FOXA3: variants seen among roughly 807,000 people sequenced by gnomAD.
FOXA3 encodes hepatocyte nuclear factor 3-gamma.
FOXA3 carries 11 observed loss-of-function variants against 16.9 expected under a neutral mutation model. That is an observed-to-expected ratio of 0.65 (90% CI 0.41 to 1.08). The LOEUF (loss-of-function observed/expected upper bound fraction) is 1.08, where lower values mean the gene tolerates loss of function less well. Ranked by LOEUF, FOXA3 falls within the 50% of genes least tolerant of loss-of-function variation. FOXA3 has a pLI of 0.00. For missense variants in FOXA3, 423 were observed against 470.1 expected (o/e 0.90, Z 0.93); for synonymous variants, 217 against 203.3 (o/e 1.07, Z -0.57).
Position 45,872,969 on chromosome 19 carries a change from G to A in FOXA3, c.964G>A (p.Val322Met), listed in dbSNP as rs1181124304. The A allele has an allele frequency of 3.1e-6, 5 of 1,614,142 alleles. No homozygotes were observed. Among genetic ancestry groups the A allele is most frequent in the Non-Finnish European group, 3.4e-6 (4 of 1,180,016 alleles). The stretch of plus-strand genomic sequence containing the variant: ...GACACCAGCACCTCCCAAACTGGAC[G>A]TGGGGTTTGGGGGCTACGGGGCTGA... ...EQTPAPPKLD[V>M]GFGGYGAEGG... Residue 322 changes from valine (V) to methionine (M), a missense_variant, in exon 2 of 2, where the codon GTG becomes ATG. Physicochemically the swap from Val to Met is conservative, Grantham distance 21. Around this residue, in one of 3 missense-constraint regions of FOXA3, gnomAD observed 168 missense variants for 179.3 expected, o/e 0.94. Coordinates refer to ENST00000302177, the MANE Select transcript of FOXA3 (RefSeq NM_004497.3). The surrounding 1 kb of genome is among the most constrained non-coding windows in gnomAD (Gnocchi z 4.5).
rs904387581 is a variant in FOXA3 at position 45,873,123 on chromosome 19, T to G, written c.*65T>G. 1.9e-6 allele frequency: 3 copies of G among 1,551,042 alleles called. No homozygotes were observed. The highest frequency in any genetic ancestry group is 2.6e-6 in the Non-Finnish European group (3 of 1,146,970). On this transcript the variant is annotated 3_prime_UTR_variant, in exon 2 of 2. Coordinates refer to ENST00000302177, the MANE Select transcript of FOXA3 (RefSeq NM_004497.3). ...ACACCACGAAGCTCTTGGGGCCTGA[T>G]CCTTCTGGTGACACTTCACTTGTCC...
Position 45,873,442 on chromosome 19 carries a change from G to A in FOXA3, c.*384G>A. 7.2e-6 allele frequency: 2 copies of A among 276,026 alleles called. No individual in the cohort carries two copies. Among genetic ancestry groups the A allele is most frequent in the South Asian group, 4.4e-5 (1 of 22,504 alleles). The allele number at this position is 276,026 out of a possible 1,614,324, so 17.1% of individuals were successfully genotyped here. ...CTTCTTTTTTGGTGTACTTGGCACA[G>A]TAGGTGCCAAGTTGGCCACCATTCT... On this transcript the variant is annotated 3_prime_UTR_variant, in exon 2 of 2. Transcript: ENST00000302177.
Position 45,864,576 on chromosome 19 carries a change from G to A in FOXA3, c.69+51G>A, listed in dbSNP as rs1258408200. The stretch of plus-strand genomic sequence containing the variant: ...GGAAGTTGGGGGCAGGTATCGGGGT[G>A]TGGGCTCACATGGAGCAGGGACTGG... On this transcript the variant is annotated intron_variant, in intron 1 of 1. Transcript: ENST00000302177. 5 of 1,428,896 alleles carry A rather than the reference G, an allele frequency of 3.5e-6. No individual in the cohort carries two copies. In the African/African-American group the frequency reaches 5.8e-5, roughly 17 times the overall value. The allele number at this position is 1,428,896 out of a possible 1,614,324, so 88.5% of individuals were successfully genotyped here. A position where few individuals can be genotyped will look rare whatever the true frequency, so the allele number is the denominator to read the frequency against.
chr19:45,867,967 G>T (rs59547719), intron 1 of FOXA3, among the ~76,000 whole-genome samples: 1 of 150,086 alleles, frequency 6.7e-6, no homozygotes, highest in Non-Finnish European at 1.5e-5. Flanking sequence ...GAGAGGACTC[G>T]GGAGGGGTCG....
In FOXA3 at chr19:45,872,350, C is replaced by T. The variant is rs144459600; in HGVS notation, c.345C>T (p.His115=). The T allele has an allele frequency of 0.01, 16,156 of 1,614,180 alleles. 113 individuals are homozygous for T. Among genetic ancestry groups the T allele is most frequent in the Middle Eastern group, 0.018 (108 of 6,062 alleles). Residue 115 remains histidine (H), a synonymous_variant, in exon 2 of 2, where the codon CAC becomes CAT. Transcript: ENST00000302177. The surrounding 1 kb of genome is among the most constrained non-coding windows in gnomAD (Gnocchi z 4.5). ...MPKGYRRPLA[H]AKPPYSYISL... ...AGGGGTATCGGCGGCCCCTGGCACA[C>T]GCCAAGCCACCGTATTCCTATATCT...
rs1352271573 is a variant in FOXA3 at position 45,869,804 on chromosome 19, G to A, written c.70-2271G>A. On this transcript the variant is annotated intron_variant, in intron 1 of 1. Coordinates refer to ENST00000302177, the MANE Select transcript of FOXA3 (RefSeq NM_004497.3). ...TTTTATTTATTTATTTTTTTTTTTT[G>A]AGACAGAGTCTTGCTCTGTCGCCCA... 4.4e-5 allele frequency among the ~76,000 whole-genome samples: 6 copies of A among 137,844 alleles called. No individual in the cohort carries two copies. In the East Asian group the frequency reaches 1.3e-3, roughly 30 times the overall value. The allele number at this position is 137,844 out of a possible 152,430, so 90.4% of individuals were successfully genotyped here.
chr19:45,873,148 C>T lies in FOXA3; in HGVS notation c.*90C>T, dbSNP rs1966927762. 1.3e-6 allele frequency: 2 copies of T among 1,540,088 alleles called. No homozygotes were observed. On this transcript the variant is annotated 3_prime_UTR_variant, in exon 2 of 2. Transcript: ENST00000302177. ...TCCTTCTGGTGACACTTCACTTGTCCCATTGGTTAACATCTGGGTGGGTCT... is the reference window on the plus strand; with the variant it reads ...TCCTTCTGGTGACACTTCACTTGTCTCATTGGTTAACATCTGGGTGGGTCT...
chr19:45,871,369 A>G (rs1233207302), intron 1 of FOXA3, among the ~76,000 whole-genome samples: 2 of 152,048 alleles, frequency 1.3e-5, no homozygotes, highest in Non-Finnish European at 2.9e-5. Flanking sequence ...CTCTGTTGGA[A>G]TATCAACACC....
At chr19:45,866,282 C>T (rs1283129417) in intron 1 of FOXA3, among the ~76,000 whole-genome samples, 1 of 151,976 alleles carries the variant, frequency 6.6e-6, no homozygotes, top group Non-Finnish European at 1.5e-5. Context: ...TCAGGCATGC[C>T]TGTAGTCTAA....
At chr19:45,871,247 A>G (rs1966902195) in intron 1 of FOXA3, among the ~76,000 whole-genome samples, 1 of 152,226 alleles carries the variant, frequency 6.6e-6, no homozygotes, top group African/African-American at 2.4e-5. Flanking sequence ...TATTAAAAAA[A>G]CCAAATTTCA....
intron 1 of FOXA3, among the ~76,000 whole-genome samples, chr19:45,870,038 G>A (rs1218619733): frequency 4.6e-5 from 7 of 151,832 alleles, no homozygotes; most frequent in African/African-American, 1.7e-4. Flanking sequence ...CACCTGCCTC[G>A]GCCTCCCAAA....
At chr19:45,868,002 G>A (rs75766246) in intron 1 of FOXA3, among the ~76,000 whole-genome samples, 3,687 of 151,376 alleles carry the variant, frequency 0.024, 66 homozygotes, top group Middle Eastern at 0.037. Flanking sequence ...GAGCAAAAGA[G>A]GTTAGGGTGG....
At chr19:45,870,569 CTT>C (rs34349319) in intron 1 of FOXA3, among the ~76,000 whole-genome samples, 14 of 133,178 alleles carry the variant, frequency 1.1e-4, no homozygotes, top group Admixed American at 3.1e-4. Flanking sequence ...CACCCCCCTT[CTT>C]TTTTTTTTTT....
Position 45,873,289 on chromosome 19 carries a change from T to C in FOXA3, c.*231T>C, listed in dbSNP as rs934243829. 4.2e-5 allele frequency: 26 copies of C among 617,508 alleles called. No individual in the cohort carries two copies. The highest frequency in any genetic ancestry group is 6.1e-5 in the Non-Finnish European group (22 of 359,448). The allele number at this position is 617,508 out of a possible 1,614,324, so 38.3% of individuals were successfully genotyped here. A position where few individuals can be genotyped will look rare whatever the true frequency, so the allele number is the denominator to read the frequency against. On this transcript the variant is annotated 3_prime_UTR_variant, in exon 2 of 2. Transcript: ENST00000302177. ...ACTGGGTACTGTGAGGACTGCTACA[T>C]TGATGGATGTTATTGGCTAATCCAC...
Position 45,872,800 on chromosome 19 carries a change from G to A in FOXA3, c.795G>A (p.Gly265=), listed in dbSNP as rs770985467. ...PPAPEPEAQG[G]EDVGALDCGS... ...CCCCTGAGCCTGAGGCCCAGGGCGG[G>A]GAAGATGTGGGGGCTCTGGACTGTG... Residue 265 remains glycine, a synonymous_variant, in exon 2 of 2, where the codon GGG becomes GGA. Coordinates refer to ENST00000302177, the MANE Select transcript of FOXA3 (RefSeq NM_004497.3). The surrounding 1 kb of genome is among the most constrained non-coding windows in gnomAD (Gnocchi z 4.5). 1.2e-6 allele frequency: 2 copies of A among 1,612,164 alleles called. No homozygotes were observed. Among genetic ancestry groups the A allele is most frequent in the South Asian group, 1.1e-5 (1 of 91,086 alleles).
chr19:45,866,889 C>T (rs1186524814), intron 1 of FOXA3, among the ~76,000 whole-genome samples: 1 of 152,214 alleles, frequency 6.6e-6, no homozygotes, highest in African/African-American at 2.4e-5. Flanking sequence ...CCTCTGCTCC[C>T]TGTCACACCC....
chr19:45,864,373 C>T lies in FOXA3; in HGVS notation c.-84C>T. On this transcript the variant is annotated 5_prime_UTR_variant, in exon 1 of 2. Transcript: ENST00000302177. ...TCGGACGGGCGGGCGCCGGTGGGAGCTCGGGCCGTGCCCGCTGAGAGATCC... is the reference window on the plus strand; with the variant it reads ...TCGGACGGGCGGGCGCCGGTGGGAGTTCGGGCCGTGCCCGCTGAGAGATCC... 1.7e-6 allele frequency: 2 copies of T among 1,200,556 alleles called. No individual in the cohort carries two copies. The allele number at this position is 1,200,556 out of a possible 1,614,324, so 74.4% of individuals were successfully genotyped here.
chr19:45,869,427 G>T (rs1227464102), intron 1 of FOXA3, among the ~76,000 whole-genome samples: 3 of 152,302 alleles, frequency 2.0e-5, no homozygotes, highest in Admixed American at 2.0e-4. Flanking sequence ...GATTAAAGGA[G>T]ACCATTCTTG....
At chr19:45,871,100 T>G (rs939084952) in intron 1 of FOXA3, among the ~76,000 whole-genome samples, 8 of 152,012 alleles carry the variant, frequency 5.3e-5, no homozygotes, top group African/African-American at 1.7e-4. Context: ...AAAAAAAAAT[T>G]ATTTAGGAGT....
Sources: allele counts gnomAD v4.1 joint callset (sites outside exome capture counted in the v4.1 genomes callset), GRCh38; gene constraint gnomAD v4.1.1; regional missense constraint gnomAD v4.1.1; non-coding constraint Gnocchi (gnomAD v3.1); transcripts MANE v1.5; gene names NCBI Gene and HGNC (gene_info 2026-07-23, HGNC 2026-07-21).